The following CDON variants were observed in gnomAD, a reference collection of about 807,000 sequenced individuals.
CDON encodes cell adhesion molecule-related/down-regulated by oncogenes.
A neutral mutation model predicts 120.9 loss-of-function variants in CDON; 73 were observed. The observed-to-expected ratio is 0.60, with a 90% CI of 0.50 to 0.73. CDON has a LOEUF of 0.73. Among genes scored for constraint, CDON ranks in the 30% least tolerant of loss-of-function variants. The pLI is 0.00. For missense variants in CDON, 1,470 were observed against 1,587.3 expected (o/e 0.93, Z 1.26); for synonymous variants, 566 against 573.5 (o/e 0.99, Z 0.19).
rs1565510972 is a variant in CDON at position 125,993,399 on chromosome 11, A to ATG, written c.2650+884_2650+885insCA. On this transcript the variant is annotated intron_variant, in intron 14 of 19. Coordinates refer to ENST00000531738, the MANE Select transcript of CDON (RefSeq NM_001378964.1). ...CACACACATGCGCGCGTGCGTGCAC[A>ATG]CACACACACACACACACACACACAC... Among the ~76,000 whole-genome samples the ATG allele has an allele frequency of 2.2e-3, 4 of 1,832 alleles. No homozygotes were observed. The Admixed American group carries it at 0.034, about 16-fold the overall frequency. The allele number at this position is 1,832 out of a possible 152,430, so 1.2% of individuals were successfully genotyped here.
Position 126,015,411 on chromosome 11 carries a change from C to T in CDON, c.1028G>A (p.Cys343Tyr), listed in dbSNP as rs1237984326. ...CDVHGNPAPN[C>Y]TWFHNAQPIH... Reference sequence around the variant, plus strand: ...AGGCTGTGCATTGTGAAACCAGGTACAGTTGGGGGCTGGGTTCCCATGAAC... The same window carrying T: ...AGGCTGTGCATTGTGAAACCAGGTATAGTTGGGGGCTGGGTTCCCATGAAC... Residue 343 changes from cysteine (C) to tyrosine (Y), a missense_variant, in exon 7 of 20, where the codon TGT becomes TAT. Physicochemically the swap from Cys to Tyr is radical, Grantham distance 194 (BLOSUM62 -2). Transcript: ENST00000531738. 1.2e-6 allele frequency: 2 copies of T among 1,614,148 alleles called. No individual in the cohort carries two copies. Among genetic ancestry groups the T allele is most frequent in the South Asian group, 2.2e-5 (2 of 91,084 alleles).
chr11:125,981,973 T>TTTC (rs1946323047), intron 16 of CDON, among the ~76,000 whole-genome samples: 1 of 63,554 alleles, frequency 1.6e-5, no homozygotes, highest in Non-Finnish European at 2.8e-5. Context: ...CTATTTTCTT[T>TTTC]TTTTTTTTTT....
At chr11:126,049,966 C>T (rs1316844825) in intron 1 of CDON, among the ~76,000 whole-genome samples, 2 of 151,998 alleles carry the variant, frequency 1.3e-5, no homozygotes, top group Non-Finnish European at 2.9e-5. Context: ...CAGGATGTAC[C>T]GTTAAAGAAT....
At chr11:125,968,977 CA>C (rs1945882557) in intron 18 of CDON, among the ~76,000 whole-genome samples, 1 of 152,162 alleles carries the variant, frequency 6.6e-6, no homozygotes, top group Admixed American at 6.5e-5. Context: ...TGAATATAAC[CA>C]GACATGATAT....
intron 1 of CDON, among the ~76,000 whole-genome samples, chr11:126,060,429 T>G (rs966083497): frequency 6.6e-6 from 1 of 152,186 alleles, no homozygotes; most frequent in South Asian, 2.1e-4. Flanking sequence ...AAGCAACACA[T>G]TTTTCAACTC....
chr11:126,037,834 C>CA (rs1491505887), intron 1 of CDON, among the ~76,000 whole-genome samples: 2 of 152,180 alleles, frequency 1.3e-5, no homozygotes, highest in East Asian at 3.9e-4. Context: ...AAAAAAACTC[C>CA]ACAGTTTTTT....
intron 8 of CDON, among the ~76,000 whole-genome samples, chr11:126,007,848 C>T (rs1400133688): frequency 1.3e-5 from 2 of 152,172 alleles, no homozygotes; most frequent in Non-Finnish European, 2.9e-5. Flanking sequence ...AAAGACCTTA[C>T]CAGTACTTCC....
chr11:125,997,129 G>T, intron 12 of CDON, 78 bp downstream of exon 12: 2 of 1,162,860 alleles, frequency 1.7e-6, no homozygotes, highest in South Asian at 1.3e-5. Context: ...AACAGAGTGA[G>T]ACCCTGTCTC....
chr11:126,027,126 C>A (rs1242778076), intron 1 of CDON, among the ~76,000 whole-genome samples: 1 of 152,138 alleles, frequency 6.6e-6, no homozygotes, highest in African/African-American at 2.4e-5. Context: ...GAACCTATGG[C>A]CAGAAAAGGC....
chr11:126,060,324 G>A (rs1028348758), intron 1 of CDON, among the ~76,000 whole-genome samples: 1 of 152,048 alleles, frequency 6.6e-6, no homozygotes, highest in African/African-American at 2.4e-5. Context: ...TACCATGTAC[G>A]CAGCTCATCT....
chr11:126,050,030 G>A (rs1326741163), intron 1 of CDON, among the ~76,000 whole-genome samples: 1 of 152,072 alleles, frequency 6.6e-6, no homozygotes, highest in Non-Finnish European at 1.5e-5. Context: ...AAAAAGCAAG[G>A]ATCCCAGTGG....
chr11:126,041,168 G>A (rs1426181937), intron 1 of CDON, among the ~76,000 whole-genome samples: 3 of 150,504 alleles, frequency 2.0e-5, no homozygotes, highest in African/African-American at 7.3e-5. Flanking sequence ...CTCCAGCCCG[G>A]GCGACAGAGT....
At chr11:126,046,518 A>G (rs1016913740) in intron 1 of CDON, among the ~76,000 whole-genome samples, 1 of 152,228 alleles carries the variant, frequency 6.6e-6, no homozygotes, top group Non-Finnish European at 1.5e-5. Context: ...TATTTTTAAA[A>G]ATATTTAAGA....
intron 9 of CDON, chr11:126,005,447 T>C (rs1039247498): frequency 5.4e-6 from 2 of 370,990 alleles, no homozygotes; most frequent in Non-Finnish European, 9.9e-6. Context: ...TCTACTACCT[T>C]AGAGAGGGAA....
chr11:126,014,123 T>C (rs1947388184), intron 7 of CDON, among the ~76,000 whole-genome samples: 1 of 152,164 alleles, frequency 6.6e-6, no homozygotes, highest in African/African-American at 2.4e-5. Context: ...GTCAGAACAT[T>C]TGGTCCATAT....
intron 1 of CDON, among the ~76,000 whole-genome samples, chr11:126,046,821 C>T (rs1948418521): frequency 6.6e-6 from 1 of 152,170 alleles, no homozygotes; most frequent in Non-Finnish European, 1.5e-5. Flanking sequence ...CTGGTGACCC[C>T]ACTTCTACTC....
In CDON at chr11:126,015,493, T is replaced by C. The variant is rs746984142; in HGVS notation, c.946A>G (p.Lys316Glu). 1.9e-6 allele frequency: 3 copies of C among 1,613,946 alleles called. No individual in the cohort carries two copies. The highest frequency in any genetic ancestry group is 4.5e-5 in the East Asian group (2 of 44,856). The change falls in exon 7 of 20, where the codon AAA becomes GAA. Residue 316 changes from lysine to glutamate, a missense_variant. Transcript: ENST00000531738. The stretch of plus-strand genomic sequence containing the variant: ...GACACTATCTGATCCTGTAGTCCTT[T>C]AGAAATGGAAGCATGTTCTGAAAAT... ...VNVLEHASIS[K>E]GLQDQIVSLG...
chr11:125,986,118 A>G (rs1347578553), intron 15 of CDON, among the ~76,000 whole-genome samples: 1 of 152,242 alleles, frequency 6.6e-6, no homozygotes, highest in Non-Finnish European at 1.5e-5. Flanking sequence ...CATATACACC[A>G]TGGAATACTA....
intron 7 of CDON, chr11:126,014,994 T>C (rs935892360): frequency 2.5e-5 from 13 of 516,726 alleles, no homozygotes; most frequent in Non-Finnish European, 4.2e-5. Flanking sequence ...TTGTACCATA[T>C]AGATTTTTAA....
Sources: gnomAD v4.1 joint callset for allele counts (sites outside exome capture counted in the v4.1 genomes callset) on GRCh38, gnomAD v4.1.1 for gene constraint, MANE v1.5 for transcripts, NCBI Gene and HGNC (gene_info 2026-07-23, HGNC 2026-07-21) for gene names.